The following EYS variants were observed in gnomAD, a reference collection of about 807,000 sequenced individuals.
The protein encoded by EYS is EGF-like photoreceptor maintenance factor.
In EYS, 250 loss-of-function variants were observed where a neutral mutation model predicts 282.1. That is an observed-to-expected ratio of 0.89 (90% confidence interval 0.80 to 0.98). EYS has a LOEUF of 0.98. Ranked by LOEUF, EYS falls within the 50% of genes least tolerant of loss-of-function variation. EYS has a pLI of 0.00. For synonymous variants in EYS, 1,355 were observed against 1,282.9 expected, an observed-to-expected ratio of 1.06 and a Z score of -1.20; for missense variants, 4,016 against 3,709.0, an observed-to-expected ratio of 1.08 and a Z score of -2.15.
At chr6:65,078,764 A>G (rs1026600003) in intron 12 of EYS, among the ~76,000 whole-genome samples, 2 of 151,964 alleles carry the variant, frequency 1.3e-5, no homozygotes, top group Admixed American at 6.6e-5. Context: ...CTCATGTTGA[A>G]TTGTAATCCT....
chr6:64,385,904 A>G (rs1457339794), intron 29 of EYS, among the ~76,000 whole-genome samples: 1 of 152,060 alleles, frequency 6.6e-6, no homozygotes, highest in African/African-American at 2.4e-5. Context: ...TCCTTTGTCT[A>G]CGGCCAGCCT....
At chr6:65,330,356 C>T (rs756982034) in intron 11 of EYS, 39 of 984,184 alleles carry the variant, frequency 4.0e-5, no homozygotes, top group Non-Finnish European at 4.7e-5. Flanking sequence ...AAATTTGAGG[C>T]TTCAAAAACA....
chr6:63,843,731 T>C (rs2149698864), intron 36 of EYS, among the ~76,000 whole-genome samples: 1 of 152,288 alleles, frequency 6.6e-6, no homozygotes, highest in South Asian at 2.1e-4. Flanking sequence ...CAACGTAGTA[T>C]TGGAAGTTCT....
chr6:65,317,777 T>TTCCTTCCTTC lies in EYS; in HGVS notation c.1766+17202_1766+17203insGAAGGAAGGA, dbSNP rs1769333110. On this transcript the variant is annotated intron_variant, in intron 11 of 42. Transcript: ENST00000503581. ...GCTCTTGGCTGGAGGCTACATTTTC[T>TTCCTTCCTTC]CTTCCTTCCTTCCTTCCTTCCTTCC... Among the ~76,000 whole-genome samples, 53 of 57,406 alleles carry TTCCTTCCTTC rather than the reference T, an allele frequency of 9.2e-4. 2 individuals are homozygous for TTCCTTCCTTC. The highest frequency in any genetic ancestry group is 2.1e-3 in the South Asian group (4 of 1,890). The allele number at this position is 57,406 out of a possible 152,430, so 37.7% of individuals were successfully genotyped here.
chr6:64,520,854 A>G (rs576582215), intron 26 of EYS, among the ~76,000 whole-genome samples: 23 of 151,830 alleles, frequency 1.5e-4, no homozygotes, highest in Admixed American at 4.0e-4. Context: ...ATCAGTTAGG[A>G]TTTGATCAGG....
At chr6:65,165,889 A>T (rs1165749348) in intron 12 of EYS, among the ~76,000 whole-genome samples, 1 of 151,206 alleles carries the variant, frequency 6.6e-6, no homozygotes, top group Non-Finnish European at 1.5e-5. Context: ...GCAGGTTCAC[A>T]GGATGAATAA....
intron 12 of EYS, among the ~76,000 whole-genome samples, chr6:65,150,913 T>C (rs968546408): frequency 6.6e-6 from 1 of 152,008 alleles, no homozygotes; most frequent in South Asian, 2.1e-4. Flanking sequence ...GCTAAATTAA[T>C]TTATTTTCAC....
At chr6:64,607,959 A>G (rs1327117567) in intron 24 of EYS, among the ~76,000 whole-genome samples, 2 of 152,184 alleles carry the variant, frequency 1.3e-5, no homozygotes, top group Non-Finnish European at 2.9e-5. Context: ...CAATAGGGTA[A>G]AGTATCCAAG....
chr6:64,462,186 T>C (rs1000290415), intron 26 of EYS, among the ~76,000 whole-genome samples: 16 of 152,358 alleles, frequency 1.1e-4, no homozygotes, highest in African/African-American at 3.4e-4. Flanking sequence ...ATAATTTCAT[T>C]GTGTAACTTA....
chr6:65,165,700 C>A (rs750239350), intron 12 of EYS, among the ~76,000 whole-genome samples: 23 of 150,872 alleles, frequency 1.5e-4, no homozygotes, highest in Middle Eastern at 6.8e-3. Flanking sequence ...AGGAACAGAC[C>A]ACAACATTGT....
intron 35 of EYS, among the ~76,000 whole-genome samples, chr6:63,911,241 C>T (rs966498395): frequency 6.6e-6 from 1 of 152,078 alleles, no homozygotes; most frequent in Non-Finnish European, 1.5e-5. Flanking sequence ...AATCTGAGGT[C>T]AACTTCCTGC....
rs1224608132 is a variant in EYS at position 63,810,087 on chromosome 6, AAAAAAAG to A, written c.7229-3722_7229-3716del. Among the ~76,000 whole-genome samples the A allele has an allele frequency of 1.5e-4, 23 of 151,342 alleles. No individual in the cohort carries two copies. In the East Asian group the frequency reaches 1.6e-3, roughly 10 times the overall value. Reference sequence around the variant, plus strand: ...AAACCCCGCCTCTACTTTAAAAAAAAAAAAAAGAAAAAAGAAAAAGAAAATTAGCCGA... The same window carrying A: ...AAACCCCGCCTCTACTTTAAAAAAAAAAAAAAGAAAAAGAAAATTAGCCGA... On this transcript the variant is annotated intron_variant, in intron 36 of 42. Coordinates refer to ENST00000503581, the MANE Select transcript of EYS (RefSeq NM_001142800.2).
intron 35 of EYS, among the ~76,000 whole-genome samples, chr6:63,931,463 A>G (rs577762762): frequency 6.6e-6 from 1 of 152,120 alleles, no homozygotes; most frequent in Non-Finnish European, 1.5e-5. Flanking sequence ...TCTACTACTC[A>G]TTCTGCTCCC....
chr6:64,355,171 G>A (rs1358495516), intron 29 of EYS, among the ~76,000 whole-genome samples: 1 of 151,564 alleles, frequency 6.6e-6, no homozygotes, highest in Non-Finnish European at 1.5e-5. Flanking sequence ...TCCATGTGCT[G>A]CCTACAGTTA....
At chr6:64,990,163 T>A (rs1583367644) in intron 14 of EYS, among the ~76,000 whole-genome samples, 1 of 151,660 alleles carries the variant, frequency 6.6e-6, no homozygotes, top group East Asian at 1.9e-4. Flanking sequence ...CTGAGGCTAT[T>A]AAGTTAATAA....
intron 1 of EYS, among the ~76,000 whole-genome samples, chr6:65,706,308 T>C (rs1325644553): frequency 6.6e-6 from 1 of 151,926 alleles, no homozygotes; most frequent in Admixed American, 6.6e-5. Flanking sequence ...TTTAATATTG[T>C]ATACTAAGTA....
intron 35 of EYS, among the ~76,000 whole-genome samples, chr6:63,909,110 C>T (rs191349877): frequency 1.6e-4 from 25 of 152,130 alleles, no homozygotes; most frequent in African/African-American, 3.9e-4. Context: ...GATGCATATG[C>T]GAAGATGAGA....
chr6:65,203,598 T>G (rs1278932894), intron 12 of EYS, among the ~76,000 whole-genome samples: 5 of 152,016 alleles, frequency 3.3e-5, no homozygotes, highest in Middle Eastern at 3.2e-3. Flanking sequence ...GAAAGTTAAT[T>G]TAAAAATAAT....
chr6:63,762,791 T>C (rs1343967731), intron 40 of EYS, among the ~76,000 whole-genome samples, 158 bp from the exon 41 acceptor site: 1 of 152,098 alleles, frequency 6.6e-6, no homozygotes, highest in Admixed American at 6.6e-5. Flanking sequence ...AAAGAGTTAA[T>C]AACTGGTTAT....
Sources: allele counts gnomAD v4.1 joint callset (sites outside exome capture counted in the v4.1 genomes callset), GRCh38; gene constraint gnomAD v4.1.1; transcripts MANE v1.5; gene names NCBI Gene and HGNC (gene_info 2026-07-23, HGNC 2026-07-21).